CADM2: variants seen among roughly 807,000 people sequenced by gnomAD.
CADM2 encodes the protein immunoglobulin superfamily member 4D.
CADM2 carries 12 observed loss-of-function variants against 49.8 expected under a neutral mutation model. The ratio of observed to expected loss-of-function variants is 0.24; its 90% CI spans 0.15 to 0.39. The LOEUF is 0.39. CADM2 is among the 10% of genes least tolerant of loss of function. The pLI, the probability that CADM2 is intolerant of heterozygous loss-of-function variation, is 1.00. For missense variants in CADM2, 378 were observed against 492.3 expected, an observed-to-expected ratio of 0.77 and a Z score of 2.20; for synonymous variants, 214 against 175.4, an observed-to-expected ratio of 1.22 and a Z score of -1.74.
At chr3:85,122,745 G>T (rs60292096) in intron 1 of CADM2, among the ~76,000 whole-genome samples, 15 of 151,776 alleles carry the variant, frequency 9.9e-5, no homozygotes, top group Non-Finnish European at 1.8e-4. Context: ...AATCCTTGCC[G>T]GATTCCTTTT....
intron 1 of CADM2, among the ~76,000 whole-genome samples, chr3:85,387,960 T>C (rs1194112526): frequency 1.3e-5 from 2 of 152,160 alleles, no homozygotes; most frequent in Non-Finnish European, 2.9e-5. Context: ...AGTTAGATTA[T>C]CTGCATAAAA....
chr3:85,594,762 GT>G (rs2063197354), intron 1 of CADM2, among the ~76,000 whole-genome samples: 1 of 151,922 alleles, frequency 6.6e-6, no homozygotes, highest in African/African-American at 2.4e-5. Flanking sequence ...AAAATGCTTT[GT>G]TTATAAAATG....
chr3:85,656,089 G>A (rs1051328725), intron 1 of CADM2, among the ~76,000 whole-genome samples: 35 of 152,016 alleles, frequency 2.3e-4, no homozygotes, highest in Non-Finnish European at 4.4e-4. Flanking sequence ...TCCTACAGTG[G>A]AGTGAATGAA....
intron 6 of CADM2, among the ~76,000 whole-genome samples, chr3:85,918,889 G>A (rs188502433): frequency 4.9e-4 from 75 of 152,074 alleles, no homozygotes; most frequent in African/African-American, 1.7e-3. Context: ...GTATGAGTCA[G>A]ATATTATTTA....
chr3:85,037,521 T>A (rs1331540581), intron 1 of CADM2, among the ~76,000 whole-genome samples: 1 of 152,208 alleles, frequency 6.6e-6, no homozygotes, highest in African/African-American at 2.4e-5. Flanking sequence ...GATGCAATGA[T>A]CTTTTGTTAC....
chr3:85,616,438 G>A (rs1434608435), intron 1 of CADM2, among the ~76,000 whole-genome samples: 1 of 151,978 alleles, frequency 6.6e-6, no homozygotes, highest in African/African-American at 2.4e-5. Context: ...ATGTCTCTCT[G>A]GTTAAATTGA....
intron 1 of CADM2, among the ~76,000 whole-genome samples, chr3:85,382,473 C>T (rs2033960979): frequency 6.6e-6 from 1 of 152,158 alleles, no homozygotes; most frequent in Non-Finnish European, 1.5e-5. Flanking sequence ...TCTTTCTTAA[C>T]TCATTCTGCT....
At chr3:85,121,252 C>T (rs953957513) in intron 1 of CADM2, among the ~76,000 whole-genome samples, 2 of 152,144 alleles carry the variant, frequency 1.3e-5, no homozygotes, top group Non-Finnish European at 2.9e-5. Context: ...GAGATGTGAG[C>T]AAAGTATAAC....
intron 1 of CADM2, among the ~76,000 whole-genome samples, chr3:84,986,618 G>A (rs1307748672): frequency 6.6e-6 from 1 of 151,854 alleles, no homozygotes; most frequent in Non-Finnish European, 1.5e-5. Context: ...TGGGGGGAGC[G>A]GGGAGGGATA....
rs115150441 is a variant in CADM2 at position 85,865,091 on chromosome 3, C to T, written c.239-18200C>T. On this transcript the variant is annotated intron_variant, in intron 3 of 9. Coordinates refer to ENST00000383699, the MANE Select transcript of CADM2 (RefSeq NM_001167675.2). ...TCAGTTCTTGTTTATAAGGCTGTGT[C>T]TGTGTTCTCACTGCTACAGGCCTGC... 8.6e-3 allele frequency among the ~76,000 whole-genome samples: 1,309 copies of T among 152,316 alleles called. 23 individuals are homozygous for T. Among genetic ancestry groups the T allele is most frequent in the African/African-American group, 0.028 (1,165 of 41,570 alleles).
chr3:85,508,583 G>A (rs1054584662), intron 1 of CADM2, among the ~76,000 whole-genome samples: 2 of 152,078 alleles, frequency 1.3e-5, no homozygotes, highest in Non-Finnish European at 1.5e-5. Context: ...AACTCAAAGG[G>A]CAAAATAAAA....
chr3:85,489,098 G>T (rs1480152915), intron 1 of CADM2, among the ~76,000 whole-genome samples: 1 of 152,034 alleles, frequency 6.6e-6, no homozygotes, highest in Non-Finnish European at 1.5e-5. Flanking sequence ...CTTAGTTTTA[G>T]TATTGTTATT....
chr3:85,441,217 T>A (rs1357779720), intron 1 of CADM2, among the ~76,000 whole-genome samples: 5 of 151,988 alleles, frequency 3.3e-5, no homozygotes, highest in African/African-American at 4.8e-5. Flanking sequence ...CAGTTTTTAA[T>A]ATTATGTTAT....
intron 9 of CADM2, 113 bp from the exon 10 acceptor site, chr3:86,066,552 G>T: frequency 1.3e-6 from 1 of 742,178 alleles, no homozygotes; most frequent in Non-Finnish European, 2.4e-6. Flanking sequence ...CAATCGGGTA[G>T]CATATTAGGT....
intron 1 of CADM2, among the ~76,000 whole-genome samples, chr3:85,615,977 T>G (rs1022788682): frequency 6.6e-6 from 1 of 151,934 alleles, no homozygotes; most frequent in African/African-American, 2.4e-5. Flanking sequence ...CAATAAAGTA[T>G]AATGTGTTGA....
intron 1 of CADM2, among the ~76,000 whole-genome samples, chr3:85,689,556 T>G (rs2066320550): frequency 6.6e-6 from 1 of 152,140 alleles, no homozygotes; most frequent in Non-Finnish European, 1.5e-5. Flanking sequence ...CCAGAATTAT[T>G]GAGGGATGGG....
At chr3:85,072,177 A>T (rs2036772547) in intron 1 of CADM2, among the ~76,000 whole-genome samples, 1 of 152,000 alleles carries the variant, frequency 6.6e-6, no homozygotes, top group Non-Finnish European at 1.5e-5. Context: ...CTCATGTATT[A>T]TGAAGAAATG....
chr3:85,583,630 A>G (rs1164252425), intron 1 of CADM2, among the ~76,000 whole-genome samples: 1 of 152,168 alleles, frequency 6.6e-6, no homozygotes, highest in African/African-American at 2.4e-5. Context: ...TAAATACATT[A>G]TCATTAAATG....
At chr3:85,109,516 G>A (rs1462492295) in intron 1 of CADM2, among the ~76,000 whole-genome samples, 1 of 151,860 alleles carries the variant, frequency 6.6e-6, no homozygotes, top group African/African-American at 2.4e-5. Flanking sequence ...TCATTTAAAT[G>A]GCTTAGTGAG....
Sources: allele counts gnomAD v4.1 joint callset (sites outside exome capture counted in the v4.1 genomes callset), GRCh38; gene constraint gnomAD v4.1.1; transcripts MANE v1.5; gene names NCBI Gene and HGNC (gene_info 2026-07-23, HGNC 2026-07-21).